The following SLC23A2 variants were observed in gnomAD, a reference collection of about 807,000 sequenced individuals.
SLC23A2 encodes the protein solute carrier family 23 member 2.
In SLC23A2, 36 loss-of-function variants were observed where a neutral mutation model predicts 73.3. The observed-to-expected ratio is 0.49, with a 90% CI of 0.38 to 0.65. SLC23A2 has a LOEUF of 0.65. Among genes scored for constraint, SLC23A2 ranks in the 30% least tolerant of loss-of-function variants. The pLI is 0.00. For missense variants in SLC23A2, 507 were observed against 841.6 expected, an observed-to-expected ratio of 0.60 and a Z score of 4.92; for synonymous variants, 343 against 327.3, an observed-to-expected ratio of 1.05 and a Z score of -0.52.
Position 4,883,562 on chromosome 20 carries a change from A to C in SLC23A2, c.824+80T>G. 1 of 998,628 alleles carries C rather than the reference A, an allele frequency of 1.0e-6. No individual in the cohort carries two copies. The highest frequency in any genetic ancestry group is 2.6e-5 in the Admixed American group (1 of 38,704). The allele number at this position is 998,628 out of a possible 1,614,324, so 61.9% of individuals were successfully genotyped here. A position where few individuals can be genotyped will look rare whatever the true frequency, so the allele number is the denominator to read the frequency against. On this transcript the variant is annotated intron_variant, in intron 9 of 16. Coordinates refer to ENST00000338244, the MANE Select transcript of SLC23A2 (RefSeq NM_005116.6). This position sits in a 1 kb window ranked among gnomAD's most constrained non-coding sequence, Gnocchi z 4.5. ...GTCAGACCATTCTTATTATTGAAAA[A>C]CATTATCTCCTGAAGTCTGTGTGAA...
intron 15 of SLC23A2, among the ~76,000 whole-genome samples, chr20:4,861,440 T>C (rs966866706): frequency 6.6e-6 from 1 of 152,248 alleles, no homozygotes; most frequent in Non-Finnish European, 1.5e-5. Flanking sequence ...CCAGTAGCAA[T>C]GGCTATGTCT....
chr20:4,861,938 A>G lies in SLC23A2; in HGVS notation c.1624+10T>C. ...GCTCCCACTCCAAGATGTAAAGCCC[A>G]TTTCCTCACCTGTGACCAGAGGGTT... On this transcript the variant is annotated intron_variant, in intron 15 of 16. Transcript: ENST00000338244. 6.2e-7 allele frequency: 1 copy of G among 1,613,662 alleles called. No homozygotes were observed. Among genetic ancestry groups the G allele is most frequent in the South Asian group, 1.1e-5 (1 of 91,036 alleles).
chr20:4,986,649 TACAC>T (rs55738084), intron 1 of SLC23A2, among the ~76,000 whole-genome samples: 19,711 of 129,686 alleles, frequency 0.15, 1,990 homozygotes, highest in African/African-American at 0.3. Context: ...CATACACACA[TACAC>T]ACACACACAC....
chr20:4,918,205 T>C (rs1397892034), intron 3 of SLC23A2, among the ~76,000 whole-genome samples: 2 of 152,220 alleles, frequency 1.3e-5, no homozygotes, highest in Non-Finnish European at 2.9e-5. Flanking sequence ...AGAAGAATCT[T>C]GGCATCGTTC....
At chr20:4,944,409 T>C (rs1293244675) in intron 2 of SLC23A2, among the ~76,000 whole-genome samples, 5 of 152,068 alleles carry the variant, frequency 3.3e-5, no homozygotes, top group Non-Finnish European at 2.9e-5. Context: ...CGGCTAATTT[T>C]TGTATTTTTA....
intron 3 of SLC23A2, among the ~76,000 whole-genome samples, chr20:4,915,502 C>T (rs1932290698): frequency 1.3e-5 from 2 of 152,122 alleles, no homozygotes; most frequent in Non-Finnish European, 2.9e-5. Context: ...AAATTTAAGA[C>T]TAAAATCCTA....
At chr20:4,876,517 G>A (rs76086697) in intron 9 of SLC23A2, among the ~76,000 whole-genome samples, 10 of 152,296 alleles carry the variant, frequency 6.6e-5, no homozygotes, top group African/African-American at 2.2e-4. Flanking sequence ...CAGCTTAGAG[G>A]TGCAGACCCG....
intron 2 of SLC23A2, among the ~76,000 whole-genome samples, chr20:4,955,216 T>C (rs2087265289): frequency 6.6e-6 from 1 of 151,970 alleles, no homozygotes; most frequent in African/African-American, 2.4e-5. Flanking sequence ...ACTACATCTC[T>C]GCAATCCAGC....
At chr20:4,925,693 T>A (rs545192971) in intron 3 of SLC23A2, among the ~76,000 whole-genome samples, 6 of 152,268 alleles carry the variant, frequency 3.9e-5, no homozygotes, top group Non-Finnish European at 7.4e-5. Context: ...CTCCTCAGCA[T>A]CCCTGCTGCT....
chr20:4,881,269 TGTAA>T lies in SLC23A2; in HGVS notation c.824+2369_824+2372del, dbSNP rs1930872318. Among the ~76,000 whole-genome samples the T allele has an allele frequency of 3.3e-5, 5 of 152,302 alleles. No homozygotes were observed. The South Asian group carries it at 1.0e-3, about 32-fold the overall frequency. On this transcript the variant is annotated intron_variant, in intron 9 of 16. Coordinates refer to ENST00000338244, the MANE Select transcript of SLC23A2 (RefSeq NM_005116.6). ...GGAGGGGCAAAATAGGGGCTGGATC[TGTAA>T]GTATCGAGTTTACAGGTCTGAACTA...
At position 4,868,197 on chromosome 20, in the gene SLC23A2, C is replaced by T. The variant is rs1191273046; in HGVS notation, c.1251-322G>A. On this transcript the variant is annotated intron_variant, in intron 12 of 16. Transcript: ENST00000338244. This position sits in a 1 kb window ranked among gnomAD's most constrained non-coding sequence, Gnocchi z 4.4. ...TGGGTTCAAGAGATTCTCCTGCCTC[C>T]CGAGTAGCTGGGATTACAGGTTTGC... 6.6e-6 allele frequency among the ~76,000 whole-genome samples: 1 copy of T among 151,546 alleles called. No individual in the cohort carries two copies. The highest frequency in any genetic ancestry group is 1.5e-5 in the Non-Finnish European group (1 of 67,910).
intron 13 of SLC23A2, among the ~76,000 whole-genome samples, chr20:4,866,084 C>T (rs1003614598): frequency 2.6e-5 from 4 of 152,254 alleles, no homozygotes; most frequent in East Asian, 3.9e-4. Context: ...CTGCCCACCT[C>T]GGCCTCCCAA....
In SLC23A2 at chr20:4,956,911, G is replaced by A. The variant is rs530574205; in HGVS notation, c.-155+13882C>T. Among the ~76,000 whole-genome samples the A allele has an allele frequency of 3.1e-4, 47 of 150,210 alleles. No homozygotes were observed. In the South Asian group the frequency reaches 9.1e-3, roughly 29 times the overall value. On this transcript the variant is annotated intron_variant, in intron 2 of 16. Transcript: ENST00000338244. ...CAACCTCTGCCTTCTGGGTTCAAGC[G>A]ATTCTCCTGCCTCCGCCTCCCAAGT...
chr20:4,862,063 G>A lies in SLC23A2; in HGVS notation c.1509C>T (p.Leu503=). The A allele has an allele frequency of 6.2e-7, 1 of 1,614,196 alleles. No individual in the cohort carries two copies. Among genetic ancestry groups the A allele is most frequent in the South Asian group, 1.1e-5 (1 of 91,090 alleles). ...TLFGMITAVG[L]SNLQFIDLNS... is the part of the protein sequence containing the mutation. ...TTAAATCAATGAACTGCAGGTTAGA[G>A]AGGCCAACAGCTGTGATCATTCCTG... Residue 503 remains leucine (L), a synonymous_variant, in exon 15 of 17, where the codon CTC becomes CTT. Transcript: ENST00000338244. The surrounding 1 kb of genome is among the most constrained non-coding windows in gnomAD (Gnocchi z 5.1).
chr20:4,878,343 C>T (rs1262321927), intron 9 of SLC23A2, among the ~76,000 whole-genome samples: 4 of 152,150 alleles, frequency 2.6e-5, no homozygotes, highest in Admixed American at 6.6e-5. Flanking sequence ...CCCGCCACTA[C>T]ACCCAGCTAA....
chr20:4,860,503 G>C (rs1224071302), intron 15 of SLC23A2, among the ~76,000 whole-genome samples: 1 of 152,162 alleles, frequency 6.6e-6, no homozygotes, highest in Non-Finnish European at 1.5e-5. Context: ...GTGTGTTAAA[G>C]AAGATCCATC....
chr20:4,945,905 C>T (rs190992204), intron 2 of SLC23A2, among the ~76,000 whole-genome samples: 18 of 152,216 alleles, frequency 1.2e-4, no homozygotes, highest in Admixed American at 9.2e-4. Flanking sequence ...AGTGAGAAAG[C>T]GGTATAAGAT....
rs548874710 is a variant in SLC23A2 at position 4,897,497 on chromosome 20, C to T, written c.482+2058G>A. Among the ~76,000 whole-genome samples, 459 of 152,330 alleles carry T rather than the reference C, an allele frequency of 3.0e-3. 2 individuals are homozygous for T. Among genetic ancestry groups the T allele is most frequent in the Non-Finnish European group, 4.3e-3 (293 of 68,036 alleles). On this transcript the variant is annotated intron_variant, in intron 6 of 16. Coordinates refer to ENST00000338244, the MANE Select transcript of SLC23A2 (RefSeq NM_005116.6). ...CTTGTGGGCATGGGGCGCACAGACA[C>T]GCACCCTCCTCCAGGCCACAGCTCT...
At chr20:4,909,305 CA>C (rs905259439) in intron 4 of SLC23A2, among the ~76,000 whole-genome samples, 4 of 152,072 alleles carry the variant, frequency 2.6e-5, no homozygotes, top group African/African-American at 9.7e-5. Context: ...TGTCGGTGCT[CA>C]AAAAATTTCA....
Sources: gnomAD v4.1 joint callset for allele counts (sites outside exome capture counted in the v4.1 genomes callset) on GRCh38, gnomAD v4.1.1 for gene constraint, Gnocchi (gnomAD v3.1) non-coding constraint, MANE v1.5 for transcripts, NCBI Gene and HGNC (gene_info 2026-07-23, HGNC 2026-07-21) for gene names.